The following ANKS1B variants were observed in gnomAD, a reference collection of about 807,000 sequenced individuals.
ANKS1B encodes the protein ankyrin repeat and sterile alpha motif domain-containing protein 1B.
In ANKS1B, 36 loss-of-function variants were observed where a neutral mutation model predicts 148.3. The ratio of observed to expected loss-of-function variants is 0.24; its 90% confidence interval spans 0.19 to 0.32. The LOEUF is 0.32. Ranked by LOEUF, ANKS1B falls within the 10% of genes least tolerant of loss-of-function variation. The pLI, the probability that ANKS1B is intolerant of heterozygous loss-of-function variation, is 1.00. For missense variants in ANKS1B, 1,157 were observed against 1,542.6 expected (o/e 0.75, Z 4.19); for synonymous variants, 542 against 560.8 (o/e 0.97, Z 0.47).
intron 8 of ANKS1B, among the ~76,000 whole-genome samples, chr12:99,713,535 C>T (rs114931411): frequency 3.9e-5 from 6 of 152,278 alleles, no homozygotes; most frequent in South Asian, 4.1e-4. Context: ...TAAATCTCCA[C>T]GCTCATGGCT....
intron 14 of ANKS1B, among the ~76,000 whole-genome samples, chr12:99,212,287 T>G (rs1229390500): frequency 6.6e-6 from 1 of 152,204 alleles, no homozygotes; most frequent in African/African-American, 2.4e-5. Flanking sequence ...GTCAGTCCTA[T>G]TATTTCAAAT....
intron 8 of ANKS1B, among the ~76,000 whole-genome samples, chr12:99,689,324 T>C (rs1201067266): frequency 6.6e-6 from 1 of 152,132 alleles, no homozygotes; most frequent in African/African-American, 2.4e-5. Context: ...GAGCCAGCCA[T>C]GTAGAGATTA....
chr12:99,876,707 G>A (rs986176171), intron 1 of ANKS1B, among the ~76,000 whole-genome samples: 1 of 143,832 alleles, frequency 7.0e-6, no homozygotes, highest in African/African-American at 2.6e-5. Context: ...TCCAGACTGG[G>A]CGACAGAGTG....
At chr12:99,029,761 G>A (rs1235507984) in intron 17 of ANKS1B, among the ~76,000 whole-genome samples, 1 of 152,248 alleles carries the variant, frequency 6.6e-6, no homozygotes, top group Admixed American at 6.5e-5. Flanking sequence ...ATTGACTGAA[G>A]GCATGCTGGG....
intron 10 of ANKS1B, among the ~76,000 whole-genome samples, chr12:99,453,075 G>A (rs1035039712): frequency 6.6e-5 from 10 of 152,274 alleles, no homozygotes; most frequent in South Asian, 2.1e-4. Flanking sequence ...CGGATCACAA[G>A]GTCAGGAGAT....
intron 22 of ANKS1B, among the ~76,000 whole-genome samples, chr12:98,790,983 G>C (rs2098843486): frequency 6.6e-6 from 1 of 152,160 alleles, no homozygotes. Flanking sequence ...AGAGAACTGG[G>C]GTTTGAAGAC....
chr12:99,610,474 G>T (rs1254986432), intron 9 of ANKS1B, among the ~76,000 whole-genome samples: 2 of 152,062 alleles, frequency 1.3e-5, no homozygotes, highest in Admixed American at 1.3e-4. Context: ...GGAAAGGTCA[G>T]AATAATATTT....
At chr12:98,799,969 G>A (rs1395014175) in intron 21 of ANKS1B, among the ~76,000 whole-genome samples, 5 of 151,962 alleles carry the variant, frequency 3.3e-5, no homozygotes, top group Non-Finnish European at 7.4e-5. Flanking sequence ...CTTGTACTCT[G>A]CAGAGACGGG....
At chr12:99,845,152 C>A (rs375941461) in intron 1 of ANKS1B, among the ~76,000 whole-genome samples, 3 of 152,142 alleles carry the variant, frequency 2.0e-5, no homozygotes, top group Non-Finnish European at 2.9e-5. Flanking sequence ...GGGTTTTCTA[C>A]ATATAGGATC....
chr12:99,817,944 C>G (rs2082079327), intron 2 of ANKS1B, among the ~76,000 whole-genome samples: 1 of 151,496 alleles, frequency 6.6e-6, no homozygotes. Flanking sequence ...ATTTTTTTCC[C>G]ATTCTGTCAG....
At chr12:99,785,038 G>C (rs1361962467) in intron 4 of ANKS1B, among the ~76,000 whole-genome samples, 1 of 152,072 alleles carries the variant, frequency 6.6e-6, no homozygotes, top group African/African-American at 2.4e-5. Flanking sequence ...AGATGTTTAG[G>C]AATTTTTCTG....
In ANKS1B at chr12:98,943,481, T is replaced by C. The variant is rs751756679; in HGVS notation, c.2778+109676A>G. 2.6e-4 allele frequency among the ~76,000 whole-genome samples: 39 copies of C among 152,186 alleles called. 1 individual carries two copies. The highest frequency in any genetic ancestry group is 4.0e-4 in the Non-Finnish European group (27 of 68,026). ...AAGATTAAGGTGTTGGCAGGGTACA[T>C]TCTCTTCTGGAGGCTCTAGGAGAGA... On this transcript the variant is annotated intron_variant, in intron 17 of 26. Coordinates refer to ENST00000683438, the MANE Select transcript of ANKS1B (RefSeq NM_001352186.2).
intron 19 of ANKS1B, among the ~76,000 whole-genome samples, chr12:98,824,230 T>C (rs2099227368): frequency 6.6e-6 from 1 of 152,230 alleles, no homozygotes; most frequent in Admixed American, 6.5e-5. Flanking sequence ...TCTACCCAGA[T>C]CCCTCTGCAT....
At chr12:98,913,030 C>T (rs1028556388) in intron 17 of ANKS1B, among the ~76,000 whole-genome samples, 2 of 151,794 alleles carry the variant, frequency 1.3e-5, no homozygotes, top group African/African-American at 4.8e-5. Flanking sequence ...CCACATTTTA[C>T]ATCATATCCT....
Position 98,745,162 on chromosome 12 carries a change from A to C in ANKS1B, c.*577T>G. On this transcript the variant is annotated 3_prime_UTR_variant, in exon 27 of 27. Transcript: ENST00000683438. ...TTCTTTCTCTGACATAGGTGATTAC[A>C]TATAAAATCCACAAATATAGAAATG... The C allele has an allele frequency of 1.0e-6, 1 of 985,836 alleles. No homozygotes were observed. Among genetic ancestry groups the C allele is most frequent in the Non-Finnish European group, 1.2e-6 (1 of 829,918 alleles). 61.1% of individuals were successfully genotyped at this position (985,836 alleles called of 1,614,324 possible). A position where few individuals can be genotyped will look rare whatever the true frequency, so the allele number is the denominator to read the frequency against.
At chr12:99,795,971 T>A (rs2066201406) in intron 4 of ANKS1B, among the ~76,000 whole-genome samples, 1 of 152,076 alleles carries the variant, frequency 6.6e-6, no homozygotes, top group South Asian at 2.1e-4. Flanking sequence ...AACCTCTGTG[T>A]ACAAGTTTTT....
intron 20 of ANKS1B, among the ~76,000 whole-genome samples, chr12:98,805,128 A>C (rs978928823): frequency 1.2e-4 from 18 of 152,190 alleles, no homozygotes; most frequent in African/African-American, 4.3e-4. Context: ...AATCAAAATG[A>C]TTCAAGGTAC....
At chr12:99,709,486 A>G (rs1210488163) in intron 8 of ANKS1B, among the ~76,000 whole-genome samples, 1 of 152,114 alleles carries the variant, frequency 6.6e-6, no homozygotes, top group Admixed American at 6.6e-5. Flanking sequence ...ACAAATTTTA[A>G]TGTTAATTAA....
chr12:99,963,095 G>A (rs1046320904), intron 1 of ANKS1B, among the ~76,000 whole-genome samples: 4 of 152,218 alleles, frequency 2.6e-5, no homozygotes, highest in Non-Finnish European at 2.9e-5. Flanking sequence ...TTACAGGCGT[G>A]AGCCACTGTG....
Sources: allele counts gnomAD v4.1 joint callset (sites outside exome capture counted in the v4.1 genomes callset), GRCh38; gene constraint gnomAD v4.1.1; transcripts MANE v1.5; gene names NCBI Gene and HGNC (gene_info 2026-07-23, HGNC 2026-07-21).